Variants in COL8A1 observed in about 807,000 individuals in gnomAD.
COL8A1 encodes collagen type VIII alpha 1 chain.
A neutral mutation model predicts 42.7 loss-of-function variants in COL8A1; 21 were observed. That is an observed-to-expected ratio of 0.49 (90% CI 0.35 to 0.71). The LOEUF (loss-of-function observed/expected upper bound fraction) is 0.71, where lower values mean the gene tolerates loss of function less well. Among genes scored for constraint, COL8A1 ranks in the 30% least tolerant of loss-of-function variants. The pLI is 0.01. For synonymous variants in COL8A1, 367 were observed against 369.1 expected (o/e 0.99, Z 0.06); for missense variants, 788 against 962.4 (o/e 0.82, Z 2.40).
intron 1 of COL8A1, among the ~76,000 whole-genome samples, chr3:99,708,987 A>C (rs1157403659): frequency 1.3e-5 from 2 of 151,984 alleles, no homozygotes; most frequent in Admixed American, 6.6e-5. Flanking sequence ...GGAAGCAACA[A>C]CACCAAGGCT....
chr3:99,697,049 G>T (rs1329857277), intron 1 of COL8A1, among the ~76,000 whole-genome samples: 2 of 139,978 alleles, frequency 1.4e-5, no homozygotes, highest in East Asian at 2.1e-4. Flanking sequence ...TGCAGTGGCG[G>T]GATCTCGGCT....
intron 1 of COL8A1, among the ~76,000 whole-genome samples, chr3:99,662,622 G>C (rs1938242525): frequency 1.3e-5 from 2 of 152,254 alleles, no homozygotes; most frequent in South Asian, 2.1e-4. Flanking sequence ...AGGCTAGCAC[G>C]ACAAAATGCA....
chr3:99,771,465 G>A (rs953943194), intron 2 of COL8A1, among the ~76,000 whole-genome samples: 1 of 152,136 alleles, frequency 6.6e-6, no homozygotes, highest in Non-Finnish European at 1.5e-5. Context: ...TGACCTGGAG[G>A]TCTATAATGA....
chr3:99,669,415 T>C (rs35340549), intron 1 of COL8A1, among the ~76,000 whole-genome samples: 14,429 of 151,846 alleles, frequency 0.095, 850 homozygotes, highest in Middle Eastern at 0.12. Context: ...TGTAAATGCA[T>C]TGAGTCATTA....
In COL8A1 at chr3:99,794,559, G is replaced by A. The variant is rs1446584763; in HGVS notation, c.658G>A (p.Gly220Arg). Residue 220 changes from glycine to arginine, a missense_variant, in exon 4 of 4, where the codon GGA (glycine) becomes AGA (arginine). By Grantham distance (125) the Gly-to-Arg change is moderately radical. This residue lies in a region of COL8A1 where 421 missense variants were observed against 553.1 expected (regional missense o/e 0.76). Coordinates refer to ENST00000652472, the MANE Select transcript of COL8A1 (RefSeq NM_020351.4). The surrounding 1 kb of genome is among the most constrained non-coding windows in gnomAD (Gnocchi z 4.3). ...TGGGCCAGGGTTACCAGGGCAACCAGGACCAAAGGGTGATCGAGGACCCAA... is the reference window on the plus strand; with the variant it reads ...TGGGCCAGGGTTACCAGGGCAACCAAGACCAAAGGGTGATCGAGGACCCAA... ...PGGPGLPGQPGPKGDRGPKGL... is the reference protein window; with the variant it reads ...PGGPGLPGQPRPKGDRGPKGL... The A allele has an allele frequency of 6.2e-7, 1 of 1,613,760 alleles. No individual in the cohort carries two copies. Among genetic ancestry groups the A allele is most frequent in the Non-Finnish European group, 8.5e-7 (1 of 1,179,842 alleles).
chr3:99,660,060 G>GT (rs1938155292), intron 1 of COL8A1, among the ~76,000 whole-genome samples: 1 of 152,308 alleles, frequency 6.6e-6, no homozygotes, highest in Admixed American at 6.5e-5. Flanking sequence ...AGCTTCTCTG[G>GT]TTTTTAATAA....
At chr3:99,679,377 G>T (rs368449048) in intron 1 of COL8A1, 29 of 152,296 alleles carry the variant, frequency 1.9e-4, no homozygotes, top group East Asian at 7.7e-4. Context: ...TCTCTTTATA[G>T]GATCTCATTA....
chr3:99,646,802 C>T (rs1313191876), intron 1 of COL8A1, among the ~76,000 whole-genome samples: 1 of 152,138 alleles, frequency 6.6e-6, no homozygotes, highest in Non-Finnish European at 1.5e-5. Flanking sequence ...TAGAAAATGG[C>T]TTAAAGAGTC....
At chr3:99,671,678 C>T (rs145497010) in intron 1 of COL8A1, among the ~76,000 whole-genome samples, 6 of 151,882 alleles carry the variant, frequency 4.0e-5, no homozygotes, top group Admixed American at 3.3e-4. Flanking sequence ...ACAAGTGTTA[C>T]GAAGGATGTG....
intron 1 of COL8A1, among the ~76,000 whole-genome samples, chr3:99,718,453 T>A (rs1940061949): frequency 6.6e-6 from 1 of 152,020 alleles, no homozygotes; most frequent in African/African-American, 2.4e-5. Context: ...ATACAAAAAC[T>A]GAAAACTGGC....
chr3:99,741,687 C>T (rs754651813), intron 1 of COL8A1, among the ~76,000 whole-genome samples: 9 of 152,158 alleles, frequency 5.9e-5, no homozygotes, highest in African/African-American at 1.9e-4. Context: ...GCTTCTCCTG[C>T]GTAGTGGTCT....
chr3:99,720,236 C>A (rs1275386184), intron 1 of COL8A1, among the ~76,000 whole-genome samples: 1 of 152,106 alleles, frequency 6.6e-6, no homozygotes. Flanking sequence ...AGATCTCTCT[C>A]TGCTAAGGTT....
chr3:99,666,912 CA>C (rs1207741722), intron 1 of COL8A1, among the ~76,000 whole-genome samples: 2 of 152,150 alleles, frequency 1.3e-5, no homozygotes, highest in Non-Finnish European at 2.9e-5. Context: ...CCTTTTCTAT[CA>C]ATACAGGACC....
In COL8A1 at chr3:99,795,505, C is replaced by T. The variant is rs1379061364; in HGVS notation, c.1604C>T (p.Pro535Leu). 1 of 1,587,920 alleles carries T rather than the reference C, an allele frequency of 6.3e-7. No homozygotes were observed. The highest frequency in any genetic ancestry group is 8.6e-7 in the Non-Finnish European group (1 of 1,167,084). The part of the protein sequence containing the change: ...GPPGFPGIGK[P>L]GVAGLHGPPG... ...CCTGGGTTCCCTGGTATAGGGAAAC[C>T]CGGAGTGGCAGGACTTCATGGCCCC... is the stretch of plus-strand genomic sequence containing the variant. The change falls in exon 4 of 4, where the codon CCC becomes CTC. Residue 535 changes from proline to leucine, a missense_variant. Coordinates refer to ENST00000652472, the MANE Select transcript of COL8A1 (RefSeq NM_020351.4).
At chr3:99,643,414 T>C (rs527595713) in intron 1 of COL8A1, among the ~76,000 whole-genome samples, 5 of 152,326 alleles carry the variant, frequency 3.3e-5, no homozygotes, top group Non-Finnish European at 5.9e-5. Context: ...TGGTACATAG[T>C]AGCTGCTCAG....
intron 2 of COL8A1, among the ~76,000 whole-genome samples, chr3:99,779,721 A>T (rs1216776438): frequency 2.6e-5 from 4 of 152,244 alleles, no homozygotes; most frequent in Non-Finnish European, 5.9e-5. Flanking sequence ...TTCTTCAGAC[A>T]AAGAGAACTT....
chr3:99,744,123 G>C (rs1463957426), intron 1 of COL8A1, among the ~76,000 whole-genome samples: 1 of 151,980 alleles, frequency 6.6e-6, no homozygotes, highest in Non-Finnish European at 1.5e-5. Flanking sequence ...GTAGAGACGG[G>C]GTTTCACCGT....
intron 1 of COL8A1, among the ~76,000 whole-genome samples, chr3:99,654,364 A>G (rs1221520768): frequency 6.6e-6 from 1 of 152,114 alleles, no homozygotes; most frequent in Non-Finnish European, 1.5e-5. Flanking sequence ...TCGAGTTGAC[A>G]CTCAATATTA....
At chr3:99,703,675 C>T (rs1286966668) in intron 1 of COL8A1, 2 of 152,182 alleles carry the variant, frequency 1.3e-5, no homozygotes, top group Admixed American at 1.3e-4. Flanking sequence ...GACTTTGTTT[C>T]GGTTACCAGA....
Sources: gnomAD v4.1 joint callset for allele counts (sites outside exome capture counted in the v4.1 genomes callset) on GRCh38, gnomAD v4.1.1 for gene constraint, gnomAD v4.1.1 regional missense constraint, Gnocchi (gnomAD v3.1) non-coding constraint, MANE v1.5 for transcripts, NCBI Gene and HGNC (gene_info 2026-07-23, HGNC 2026-07-21) for gene names.